KAT2B: variants seen among roughly 807,000 people sequenced by gnomAD.
The protein encoded by KAT2B is histone acetyltransferase KAT2B.
A neutral mutation model predicts 105.9 loss-of-function variants in KAT2B; 36 were observed. The ratio of observed to expected loss-of-function variants is 0.34; its 90% CI spans 0.26 to 0.45. The LOEUF (loss-of-function observed/expected upper bound fraction) is 0.45, where lower values mean the gene tolerates loss of function less well. Ranked by LOEUF, KAT2B falls within the 20% of genes least tolerant of loss-of-function variation. KAT2B has a pLI of 1.00. For synonymous variants in KAT2B, 397 were observed against 377.9 expected (o/e 1.05, Z -0.59); for missense variants, 820 against 1,021.6 (o/e 0.80, Z 2.69).
intron 1 of KAT2B, among the ~76,000 whole-genome samples, chr3:20,066,340 A>T (rs1369010879): frequency 6.6e-6 from 1 of 152,138 alleles, no homozygotes; most frequent in African/African-American, 2.4e-5. Context: ...AACTGATCAC[A>T]TCTGCAATGA....
chr3:20,146,258 C>A, intron 13 of KAT2B, 58 bp from the exon 14 acceptor site: 1 of 977,174 alleles, frequency 1.0e-6, no homozygotes, highest in Non-Finnish European at 1.6e-6. Flanking sequence ...GGTTGACTGA[C>A]TTGAACTGTA....
intron 1 of KAT2B, among the ~76,000 whole-genome samples, chr3:20,060,592 A>G (rs1698083675): frequency 6.7e-6 from 1 of 149,130 alleles, no homozygotes; most frequent in African/African-American, 2.4e-5. Flanking sequence ...CAAGAGAGAA[A>G]CTCTGTCTAA....
intron 13 of KAT2B, among the ~76,000 whole-genome samples, chr3:20,144,039 AG>A (rs528301381): frequency 7.8e-4 from 119 of 152,248 alleles, no homozygotes; most frequent in African/African-American, 2.6e-3. Flanking sequence ...AAATTAAAAA[AG>A]ATCTCTTCTC....
Position 20,104,719 on chromosome 3 carries a change from A to G in KAT2B, c.851+3251A>G, listed in dbSNP as rs528850644. Among the ~76,000 whole-genome samples, 5 of 152,330 alleles carry G rather than the reference A, an allele frequency of 3.3e-5. No individual in the cohort carries two copies. The East Asian group carries it at 9.6e-4, about 29-fold the overall frequency. On this transcript the variant is annotated intron_variant, in intron 5 of 17. Coordinates refer to ENST00000263754, the MANE Select transcript of KAT2B (RefSeq NM_003884.5). ...CAGTCTGAAAATGAAGTTAAACAGG[A>G]TTCTTTGTGGAAAAGACTGGACTTA...
chr3:20,074,056 C>A (rs1002927894), intron 2 of KAT2B, among the ~76,000 whole-genome samples: 1 of 152,022 alleles, frequency 6.6e-6, no homozygotes, highest in Non-Finnish European at 1.5e-5. Flanking sequence ...AAAACAAATG[C>A]CCTCATTCTG....
intron 1 of KAT2B, among the ~76,000 whole-genome samples, chr3:20,043,321 G>T (rs1410736438): frequency 4.6e-5 from 7 of 152,202 alleles, no homozygotes; most frequent in Non-Finnish European, 7.3e-5. Context: ...TCCTTCAGGA[G>T]TTACTTATTG....
At chr3:20,120,859 TTATAA>T (rs1358397004) in intron 8 of KAT2B, among the ~76,000 whole-genome samples, 1 of 152,056 alleles carries the variant, frequency 6.6e-6, no homozygotes, top group Non-Finnish European at 1.5e-5. Flanking sequence ...GAAGAGGACC[TTATAA>T]TATAAGAAGT....
At chr3:20,096,138 G>A (rs1698806122) in intron 3 of KAT2B, among the ~76,000 whole-genome samples, 1 of 152,130 alleles carries the variant, frequency 6.6e-6, no homozygotes, top group Non-Finnish European at 1.5e-5. Flanking sequence ...GTAGTTGGAG[G>A]AGTGGCTGTA....
chr3:20,149,929 G>A (rs62241669), intron 17 of KAT2B, among the ~76,000 whole-genome samples: 5,530 of 152,334 alleles, frequency 0.036, 172 homozygotes, highest in Non-Finnish European at 0.061. Context: ...AAACCCCCAT[G>A]GGAAGCTGTG....
rs774973502 is a variant in KAT2B at position 20,127,458 on chromosome 3, G to A, written c.1658G>A (p.Arg553His). ...ACCCTTGCTTTAATTAAAGATGGCCGTGTTATTGGTGGTATCTGTTTCCGT... is the reference window on the plus strand; with the variant it reads ...ACCCTTGCTTTAATTAAAGATGGCCATGTTATTGGTGGTATCTGTTTCCGT... ...HKTLALIKDG[R>H]VIGGICFRMF... Residue 553 changes from arginine (R) to histidine (H), a missense_variant, in exon 11 of 18, where the codon CGT (arginine) becomes CAT (histidine). By Grantham distance (29) the Arg-to-His change is conservative. Around this residue, in one of 6 missense-constraint regions of KAT2B, gnomAD observed 225 missense variants for 268.1 expected, o/e 0.84. Transcript: ENST00000263754. 33 of 1,612,824 alleles carry A rather than the reference G, an allele frequency of 2.0e-5. No individual in the cohort carries two copies. Among genetic ancestry groups the A allele is most frequent in the African/African-American group, 8.0e-5 (6 of 74,998 alleles).
chr3:20,047,075 C>A (rs547889504), intron 1 of KAT2B, among the ~76,000 whole-genome samples: 3 of 146,874 alleles, frequency 2.0e-5, no homozygotes, highest in African/African-American at 5.4e-5. Flanking sequence ...TTTGTTTTGC[C>A]CCCCCCTTTT....
chr3:20,091,760 C>A (rs1456390987), intron 2 of KAT2B, among the ~76,000 whole-genome samples: 1 of 152,042 alleles, frequency 6.6e-6, no homozygotes, highest in African/African-American at 2.4e-5. Context: ...ATTGGTTGTT[C>A]AGGAGAATGC....
intron 7 of KAT2B, among the ~76,000 whole-genome samples, chr3:20,118,749 AGAGAG>A: frequency 3.1e-5 from 2 of 63,880 alleles, no homozygotes; most frequent in African/African-American, 1.4e-4. Context: ...AAAAAAAAAG[AGAGAG>A]AGCGAACTAT....
intron 2 of KAT2B, among the ~76,000 whole-genome samples, chr3:20,085,244 T>C (rs1698592157): frequency 6.6e-6 from 1 of 152,166 alleles, no homozygotes; most frequent in South Asian, 2.1e-4. Flanking sequence ...TAAAATTATT[T>C]CTGTAAATAA....
intron 2 of KAT2B, among the ~76,000 whole-genome samples, chr3:20,088,618 T>C (rs1698661772): frequency 6.6e-6 from 1 of 152,244 alleles, no homozygotes; most frequent in Admixed American, 6.5e-5. Flanking sequence ...TTGAGTTGTA[T>C]AAGTTCCTTA....
At chr3:20,049,808 A>G (rs894501583) in intron 1 of KAT2B, among the ~76,000 whole-genome samples, 1 of 152,178 alleles carries the variant, frequency 6.6e-6, no homozygotes, top group African/African-American at 2.4e-5. Context: ...GTGCTGGCCC[A>G]ATAGAATTCT....
At chr3:20,116,388 G>A (rs757103731) in intron 7 of KAT2B, among the ~76,000 whole-genome samples, 49 of 152,064 alleles carry the variant, frequency 3.2e-4, no homozygotes, top group Non-Finnish European at 5.4e-4. Context: ...CTTTCATAGA[G>A]CCTTGAATAT....
chr3:20,108,743 T>C (rs1475456742), intron 5 of KAT2B, among the ~76,000 whole-genome samples: 1 of 152,092 alleles, frequency 6.6e-6, no homozygotes, highest in Non-Finnish European at 1.5e-5. Context: ...CAGCAGGAAG[T>C]GAGTGGTGGG....
chr3:20,114,768 A>T (rs1699177082), intron 6 of KAT2B, 114 bp from the exon 7 acceptor site: 1 of 617,836 alleles, frequency 1.6e-6, no homozygotes, highest in African/African-American at 1.8e-5. Flanking sequence ...TCTCCATTAT[A>T]TTTCTGATTG....
Sources: gnomAD v4.1 joint callset for allele counts (sites outside exome capture counted in the v4.1 genomes callset) on GRCh38, gnomAD v4.1.1 for gene constraint, gnomAD v4.1.1 regional missense constraint, MANE v1.5 for transcripts, NCBI Gene and HGNC (gene_info 2026-07-23, HGNC 2026-07-21) for gene names.